The following STK32B variants were observed in gnomAD, a reference collection of about 807,000 sequenced individuals.
STK32B encodes the protein serine/threonine kinase 32B.
STK32B carries 43 observed loss-of-function variants against 52.6 expected under a neutral mutation model. The observed-to-expected ratio is 0.82, with a 90% CI of 0.64 to 1.05. The LOEUF is 1.05. Ranked by LOEUF, STK32B falls within the 50% of genes least tolerant of loss-of-function variation. The pLI, the probability that STK32B is intolerant of heterozygous loss-of-function variation, is 0.00. For missense variants in STK32B, 621 were observed against 534.6 expected (o/e 1.16, Z -1.59); for synonymous variants, 238 against 204.3 (o/e 1.17, Z -1.41).
intron 1 of STK32B, among the ~76,000 whole-genome samples, chr4:5,113,022 G>C (rs1401227248): frequency 6.6e-6 from 1 of 152,160 alleles, no homozygotes; most frequent in African/African-American, 2.4e-5. Flanking sequence ...ATGTATAGTA[G>C]ATGAGATGGA....
chr4:5,451,142 T>A (rs1279175459), intron 7 of STK32B, among the ~76,000 whole-genome samples: 2 of 152,204 alleles, frequency 1.3e-5, no homozygotes, highest in African/African-American at 4.8e-5. Flanking sequence ...TGCGGATTAT[T>A]GTGCAAATAA....
intron 4 of STK32B, among the ~76,000 whole-genome samples, chr4:5,343,948 C>A (rs779575615): frequency 6.6e-6 from 1 of 152,118 alleles, no homozygotes; most frequent in Non-Finnish European, 1.5e-5. Flanking sequence ...AGTCATGATT[C>A]TTTTAATATA....
At chr4:5,159,579 A>ATATG (rs1718194484) in intron 2 of STK32B, among the ~76,000 whole-genome samples, 1 of 21,480 alleles carries the variant, frequency 4.7e-5, no homozygotes, top group African/African-American at 7.9e-4. Context: ...ATATATGAAT[A>ATATG]TATATATGAA....
intron 4 of STK32B, among the ~76,000 whole-genome samples, chr4:5,397,798 A>T (rs1313691558): frequency 6.6e-6 from 1 of 152,188 alleles, no homozygotes. Context: ...ACAACTTCCA[A>T]ACCCTCATTG....
intron 4 of STK32B, among the ~76,000 whole-genome samples, chr4:5,350,579 A>G (rs1236624355): frequency 6.6e-6 from 1 of 152,164 alleles, no homozygotes; most frequent in Non-Finnish European, 1.5e-5. Flanking sequence ...ATAGGAACAA[A>G]GGATATACAA....
intron 3 of STK32B, among the ~76,000 whole-genome samples, chr4:5,233,492 G>A (rs1724417112): frequency 6.6e-6 from 1 of 152,038 alleles, no homozygotes; most frequent in African/African-American, 2.4e-5. Flanking sequence ...GTATCAATGA[G>A]GTCCAAGTTC....
At chr4:5,283,371 T>C (rs1053749901) in intron 3 of STK32B, among the ~76,000 whole-genome samples, 1 of 151,808 alleles carries the variant, frequency 6.6e-6, no homozygotes, top group Admixed American at 6.6e-5. Context: ...TGAGACACCA[T>C]CAAGATGTTC....
At chr4:5,177,585 C>A (rs925069980) in intron 3 of STK32B, among the ~76,000 whole-genome samples, 12 of 152,182 alleles carry the variant, frequency 7.9e-5, no homozygotes, top group African/African-American at 2.9e-4. Context: ...CTCAAAAGTC[C>A]AAGTCCAAAG....
intron 11 of STK32B, among the ~76,000 whole-genome samples, chr4:5,483,373 G>T (rs1165167863): frequency 6.6e-6 from 1 of 151,980 alleles, no homozygotes; most frequent in Non-Finnish European, 1.5e-5. Context: ...GTTTATTTGC[G>T]TAGAGGTGTT....
chr4:5,491,121 C>T (rs1357644192), intron 11 of STK32B, among the ~76,000 whole-genome samples: 2 of 152,112 alleles, frequency 1.3e-5, no homozygotes, highest in South Asian at 2.1e-4. Context: ...ATGGTATTTC[C>T]AGTTCTAGAT....
Position 5,094,993 on chromosome 4 carries a change from A to G in STK32B, c.52+43078A>G, listed in dbSNP as rs535561680. ...GGCACTGTGGGCTCAGAGAGGAATG[A>G]GATGCGGCTCTTCCTTGAAGAGCTC... On this transcript the variant is annotated intron_variant, in intron 1 of 11. Coordinates refer to ENST00000282908, the MANE Select transcript of STK32B (RefSeq NM_018401.3). 2.6e-5 allele frequency among the ~76,000 whole-genome samples: 4 copies of G among 152,322 alleles called. No individual in the cohort carries two copies. In the South Asian group the frequency reaches 8.3e-4, roughly 32 times the overall value.
intron 3 of STK32B, among the ~76,000 whole-genome samples, chr4:5,319,388 T>C (rs1289509515): frequency 2.0e-5 from 3 of 152,202 alleles, no homozygotes; most frequent in African/African-American, 7.2e-5. Flanking sequence ...CTCCAACTAA[T>C]TGGATATGTA....
At chr4:5,257,795 T>G (rs939288012) in intron 3 of STK32B, among the ~76,000 whole-genome samples, 1 of 152,086 alleles carries the variant, frequency 6.6e-6, no homozygotes, top group African/African-American at 2.4e-5. Flanking sequence ...ATACAAAAAT[T>G]AGCTCTGTGT....
intron 4 of STK32B, among the ~76,000 whole-genome samples, chr4:5,382,495 T>C (rs775809881): frequency 1.8e-4 from 27 of 151,796 alleles, no homozygotes; most frequent in Non-Finnish European, 3.1e-4. Context: ...GTGTCCTCCT[T>C]CCCCTTGGGT....
At chr4:5,489,847 A>G (rs905479827) in intron 11 of STK32B, among the ~76,000 whole-genome samples, 6 of 152,150 alleles carry the variant, frequency 3.9e-5, no homozygotes, top group African/African-American at 1.4e-4. Flanking sequence ...TCAAAATACA[A>G]TTTCTTAAGA....
intron 3 of STK32B, among the ~76,000 whole-genome samples, chr4:5,255,852 T>A (rs1726258309): frequency 1.3e-5 from 2 of 152,180 alleles, no homozygotes; most frequent in South Asian, 4.1e-4. Context: ...GTTGGTTTAA[T>A]TGGGGGATTC....
At chr4:5,483,071 G>A (rs1375914929) in intron 11 of STK32B, among the ~76,000 whole-genome samples, 34 of 151,950 alleles carry the variant, frequency 2.2e-4, no homozygotes, top group Admixed American at 1.4e-3. Flanking sequence ...GTCTCTTCCC[G>A]GCTTTGGTAT....
At position 5,054,418 on chromosome 4, in the gene STK32B, G is replaced by A. The variant is rs1741918667; in HGVS notation, c.52+2503G>A. ...TTGCAGAAATGGCAGGAGTTACCTGGGGGGAAGAAGTGGGTGATAGAAGGG... is the reference window on the plus strand; with the variant it reads ...TTGCAGAAATGGCAGGAGTTACCTGAGGGGAAGAAGTGGGTGATAGAAGGG... On this transcript the variant is annotated intron_variant, in intron 1 of 11. Coordinates refer to ENST00000282908, the MANE Select transcript of STK32B (RefSeq NM_018401.3). Among the ~76,000 whole-genome samples the A allele has an allele frequency of 2.0e-5, 3 of 151,958 alleles. No homozygotes were observed. In the South Asian group the frequency reaches 6.3e-4, roughly 32 times the overall value.
At chr4:5,062,414 G>A (rs1302317986) in intron 1 of STK32B, among the ~76,000 whole-genome samples, 8 of 152,168 alleles carry the variant, frequency 5.3e-5, no homozygotes, top group Admixed American at 3.3e-4. Context: ...AAGAAATAGA[G>A]CATGTAGAAT....
Sources: allele counts gnomAD v4.1 joint callset (sites outside exome capture counted in the v4.1 genomes callset), GRCh38; gene constraint gnomAD v4.1.1; transcripts MANE v1.5; gene names NCBI Gene and HGNC (gene_info 2026-07-23, HGNC 2026-07-21).